Variants in TDP1 observed in about 807,000 individuals in gnomAD.
TDP1 encodes the protein tyrosyl-DNA phosphodiesterase 1.
Under a neutral mutation model 81.5 loss-of-function variants are expected in TDP1, and 64 were observed. That is an observed-to-expected ratio of 0.79 (90% CI 0.64 to 0.97). TDP1 has a LOEUF of 0.97. Among genes scored for constraint, TDP1 ranks in the 50% least tolerant of loss-of-function variants. The probability of loss-of-function intolerance (pLI) is 0.00; values close to 1 mark genes in which losing one functional copy is unlikely to be tolerated. For missense variants in TDP1, 723 were observed against 743.8 expected (o/e 0.97, Z 0.33); for synonymous variants, 256 against 264.3 (o/e 0.97, Z 0.30).
intron 2 of TDP1, chr14:89,962,765 G>A (rs1024683384): frequency 2.7e-5 from 6 of 222,574 alleles, no homozygotes; most frequent in African/African-American, 7.0e-5. Context: ...CCAGCTATTC[G>A]AGAGGATGAG....
intron 16 of TDP1, among the ~76,000 whole-genome samples, chr14:90,041,401 C>G (rs764817521): frequency 2.0e-5 from 3 of 152,214 alleles, no homozygotes; most frequent in Non-Finnish European, 1.5e-5. Flanking sequence ...CATCCCAAAG[C>G]CAGAGACAGA....
At chr14:90,008,019 G>C (rs1368965367) in intron 14 of TDP1, among the ~76,000 whole-genome samples, 1 of 152,150 alleles carries the variant, frequency 6.6e-6, no homozygotes, top group Non-Finnish European at 1.5e-5. Context: ...CTGTTTTTAA[G>C]ATTTTCTTTA....
At chr14:89,968,424 A>G (rs35819811) in intron 5 of TDP1, among the ~76,000 whole-genome samples, 15,045 of 152,122 alleles carry the variant, frequency 0.099, 1,945 homozygotes, top group African/African-American at 0.3. Flanking sequence ...CAGCTTACTC[A>G]TCTATTCCAG....
intron 7 of TDP1, among the ~76,000 whole-genome samples, chr14:89,976,592 A>G (rs1894368165): frequency 7.7e-6 from 1 of 129,826 alleles, no homozygotes; most frequent in South Asian, 2.5e-4. Flanking sequence ...CCTGGAGTGC[A>G]GTGGCACAAT....
intron 1 of TDP1, 22 bp from the exon 2 acceptor site, chr14:89,956,556 G>C (rs1891664704): frequency 6.6e-6 from 1 of 152,320 alleles, no homozygotes; most frequent in South Asian, 2.1e-4. Flanking sequence ...CACTTCCTTT[G>C]TCTTCAACCC....
At chr14:90,030,584 A>G (rs1416999418) in intron 15 of TDP1, among the ~76,000 whole-genome samples, 1 of 152,202 alleles carries the variant, frequency 6.6e-6, no homozygotes, top group Non-Finnish European at 1.5e-5. Flanking sequence ...GACATGCACA[A>G]AACACTTTCA....
intron 5 of TDP1, among the ~76,000 whole-genome samples, chr14:89,968,206 T>G (rs1323364632): frequency 6.6e-6 from 1 of 151,664 alleles, no homozygotes; most frequent in Non-Finnish European, 1.5e-5. Context: ...TAGTTTTAGC[T>G]GCATGTAAAA....
intron 10 of TDP1, among the ~76,000 whole-genome samples, chr14:89,985,584 A>G (rs959199265): frequency 2.6e-5 from 4 of 151,988 alleles, no homozygotes; most frequent in Admixed American, 6.6e-5. Flanking sequence ...CAACTGAGCT[A>G]TAATATATTT....
In TDP1 at chr14:89,984,022, A is replaced by G. The variant is rs35240634; in HGVS notation, c.885-494A>G. The G allele has an allele frequency of 1.2e-5, 8 of 679,306 alleles. No homozygotes were observed. In the East Asian group the frequency reaches 1.1e-3, roughly 92 times the overall value. The allele number at this position is 679,306 out of a possible 1,614,324, so 42.1% of individuals were successfully genotyped here. A position where few individuals can be genotyped will look rare whatever the true frequency, so the allele number is the denominator to read the frequency against. ...TTTGTTAATTGAAAATAGATTTTTC[A>G]CATGCACTTTTGGTATAGATAACAC... On this transcript the variant is annotated intron_variant, in intron 8 of 16. Coordinates refer to ENST00000335725, the MANE Select transcript of TDP1 (RefSeq NM_018319.4).
At chr14:89,992,780 A>G (rs76593949) in intron 13 of TDP1, among the ~76,000 whole-genome samples, 2 of 152,320 alleles carry the variant, frequency 1.3e-5, no homozygotes, top group South Asian at 4.1e-4. Context: ...TGGAGGGACC[A>G]TCCTCTTATA....
chr14:90,025,973 G>T (rs1022650182), intron 15 of TDP1, among the ~76,000 whole-genome samples: 2 of 152,194 alleles, frequency 1.3e-5, no homozygotes. Flanking sequence ...CTGGATCAGG[G>T]TCCAATACTG....
rs138651525 is a variant in TDP1, at chr14:90,004,771, T to C, written c.1541+11288T>C. On this transcript the variant is annotated intron_variant, in intron 14 of 16. Transcript: ENST00000335725. ...CATTATTGCAGGAGAGTCAGCAGGA[T>C]GGTGACAGGCTGAGAGAAGGAAGGG... Among the ~76,000 whole-genome samples, 1,095 of 152,262 alleles carry C rather than the reference T, an allele frequency of 7.2e-3. 10 individuals are homozygous for C. Among genetic ancestry groups the C allele is most frequent in the South Asian group, 0.012 (60 of 4,826 alleles).
chr14:89,963,660 C>A lies in TDP1; in HGVS notation c.546C>A (p.Ala182=). ...SGVKPKYNSG[A]LHIKDILSPL... ...TTAAGCCAAAGTATAACTCTGGAGCCCTCCACATCAAGGGTAAGAGGATGC... is the reference window on the plus strand; with the variant it reads ...TTAAGCCAAAGTATAACTCTGGAGCACTCCACATCAAGGGTAAGAGGATGC... Residue 182 remains alanine, a synonymous_variant, in exon 3 of 17, where the codon GCC becomes GCA. Transcript: ENST00000335725. 2.5e-6 allele frequency: 4 copies of A among 1,613,942 alleles called. No homozygotes were observed. Among genetic ancestry groups the A allele is most frequent in the Non-Finnish European group, 3.4e-6 (4 of 1,179,902 alleles).
intron 13 of TDP1, 101 bp downstream of exon 13, chr14:89,992,084 A>G (rs977955650): frequency 4.1e-6 from 4 of 967,560 alleles, no homozygotes; most frequent in Non-Finnish European, 4.9e-6. Flanking sequence ...TTTATGTAAT[A>G]TAGCTATATT....
At chr14:89,961,351 G>A (rs966806321) in intron 2 of TDP1, among the ~76,000 whole-genome samples, 2 of 152,194 alleles carry the variant, frequency 1.3e-5, no homozygotes, top group African/African-American at 4.8e-5. Context: ...TGGAACCAGA[G>A]GGGTCAGTTA....
chr14:90,025,290 C>G (rs1283216271), intron 15 of TDP1, among the ~76,000 whole-genome samples: 2 of 152,334 alleles, frequency 1.3e-5, no homozygotes, highest in East Asian at 3.9e-4. Flanking sequence ...AAAAATACAG[C>G]AGGTGGAGAA....
chr14:90,035,115 C>G (rs1474412586), intron 16 of TDP1, among the ~76,000 whole-genome samples: 1 of 152,150 alleles, frequency 6.6e-6, no homozygotes, highest in African/African-American at 2.4e-5. Flanking sequence ...ACCAAGCCTC[C>G]TCTGTCCCAC....
chr14:90,005,359 T>A (rs1897571493), intron 14 of TDP1, among the ~76,000 whole-genome samples: 1 of 152,206 alleles, frequency 6.6e-6, no homozygotes, highest in Non-Finnish European at 1.5e-5. Context: ...ATACTCGCCC[T>A]TGTTTGCTTA....
intron 9 of TDP1, 83 bp from the exon 10 acceptor site, chr14:89,985,049 G>C: frequency 1.5e-6 from 2 of 1,330,058 alleles, no homozygotes; most frequent in Non-Finnish European, 2.1e-6. Flanking sequence ...GATTATATTA[G>C]TTTTCATGTG....
Sources: allele counts gnomAD v4.1 joint callset (sites outside exome capture counted in the v4.1 genomes callset), GRCh38; gene constraint gnomAD v4.1.1; transcripts MANE v1.5; gene names NCBI Gene and HGNC (gene_info 2026-07-23, HGNC 2026-07-21).